The following RASGRP1 variants were observed in gnomAD, a reference collection of about 807,000 sequenced individuals.
The protein encoded by RASGRP1 is RAS guanyl-releasing protein 1.
RASGRP1 carries 37 observed loss-of-function variants against 95.1 expected under a neutral mutation model. That is an observed-to-expected ratio of 0.39 (90% confidence interval 0.30 to 0.51). RASGRP1 has a LOEUF of 0.51. RASGRP1 is among the 20% of genes least tolerant of loss of function. The probability of loss-of-function intolerance (pLI) is 0.80; values close to 1 mark genes in which losing one functional copy is unlikely to be tolerated. For synonymous variants in RASGRP1, 325 were observed against 353.4 expected (o/e 0.92, Z 0.90); for missense variants, 711 against 965.4 (o/e 0.74, Z 3.49).
At chr15:38,498,454 C>T (rs543204119) in intron 15 of RASGRP1, among the ~76,000 whole-genome samples, 3 of 152,188 alleles carry the variant, frequency 2.0e-5, no homozygotes, top group Admixed American at 6.5e-5. Flanking sequence ...CATATTTTCC[C>T]TAGTCACTGT....
chr15:38,537,837 G>A (rs536752800), intron 2 of RASGRP1, among the ~76,000 whole-genome samples: 42 of 152,196 alleles, frequency 2.8e-4, no homozygotes, highest in Non-Finnish European at 5.6e-4. Context: ...GTTTACAGAG[G>A]TGCTAGAGAG....
intron 2 of RASGRP1, among the ~76,000 whole-genome samples, chr15:38,559,011 C>T (rs1407504489): frequency 6.6e-6 from 1 of 151,846 alleles, no homozygotes; most frequent in Non-Finnish European, 1.5e-5. Context: ...TGGAGGGATA[C>T]AAAAAGGGGT....
intron 2 of RASGRP1, among the ~76,000 whole-genome samples, chr15:38,533,944 G>C (rs1190415535): frequency 6.6e-6 from 1 of 152,220 alleles, no homozygotes; most frequent in Non-Finnish European, 1.5e-5. Context: ...CCTAGGAAGA[G>C]ATGCTTGCAG....
At chr15:38,500,267 C>G (rs1397411474) in intron 13 of RASGRP1, 128 bp from the exon 14 acceptor site, 22 of 879,878 alleles carry the variant, frequency 2.5e-5, no homozygotes, top group East Asian at 7.3e-5. Flanking sequence ...TCATTTATCT[C>G]TCATGTCTTG....
In RASGRP1 at chr15:38,516,365, T is replaced by C. The variant is rs759664155; in HGVS notation, c.522-15A>G. Reference sequence around the variant, plus strand: ...CACGGGCATTGCTTTTGTGGGTAAATGTGAAAGGGAGAAGACAGGGAAAAG... The same window carrying C: ...CACGGGCATTGCTTTTGTGGGTAAACGTGAAAGGGAGAAGACAGGGAAAAG... On this transcript the variant is annotated splice_polypyrimidine_tract_variant and intron_variant, in intron 5 of 16. Transcript: ENST00000310803. 2 of 1,604,646 alleles carry C rather than the reference T, an allele frequency of 1.2e-6. No individual in the cohort carries two copies. Among genetic ancestry groups the C allele is most frequent in the East Asian group, 4.5e-5 (2 of 44,800 alleles).
chr15:38,538,845 C>T (rs1429439741), intron 2 of RASGRP1, among the ~76,000 whole-genome samples: 3 of 152,210 alleles, frequency 2.0e-5, no homozygotes, highest in African/African-American at 7.2e-5. Flanking sequence ...GAACAAGGTT[C>T]TGAACTGAGT....
chr15:38,501,257 T>C lies in RASGRP1; in HGVS notation c.1569A>G (p.Thr523=). ...TTGAGCTGGCTCTCATGAAGTAGGCTGTGATCTCATCCCTGCTGATGAGGC... is the reference window on the plus strand; with the variant it reads ...TTGAGCTGGCTCTCATGAAGTAGGCCGTGATCTCATCCCTGCTGATGAGGC... The part of the protein sequence containing the change: ...REGLISRDEI[T]AYFMRASSIY... Residue 523 remains threonine, a synonymous_variant, in exon 13 of 17, where the codon ACA becomes ACG. Coordinates refer to ENST00000310803, the MANE Select transcript of RASGRP1 (RefSeq NM_005739.4). 2 of 1,613,032 alleles carry C rather than the reference T, an allele frequency of 1.2e-6. No homozygotes were observed. The highest frequency in any genetic ancestry group is 1.7e-6 in the Non-Finnish European group (2 of 1,179,298).
intron 16 of RASGRP1, among the ~76,000 whole-genome samples, chr15:38,493,273 G>T (rs1011159386): frequency 6.7e-6 from 1 of 149,222 alleles, no homozygotes; most frequent in Non-Finnish European, 1.5e-5. Flanking sequence ...CACCTCCCGG[G>T]TTCAAGTGAT....
chr15:38,540,183 C>T (rs1214950811), intron 2 of RASGRP1, among the ~76,000 whole-genome samples: 3 of 152,152 alleles, frequency 2.0e-5, no homozygotes, highest in Non-Finnish European at 4.4e-5. Flanking sequence ...CCACCTCGGC[C>T]GGCCAAAGTT....
chr15:38,512,742 A>G, intron 7 of RASGRP1, 41 bp downstream of exon 7: 1 of 1,608,816 alleles, frequency 6.2e-7, no homozygotes, highest in Non-Finnish European at 8.5e-7. Flanking sequence ...TAGAAAGTTT[A>G]CCTTATAGCC....
chr15:38,558,341 G>T (rs1342736353), intron 2 of RASGRP1, among the ~76,000 whole-genome samples: 1 of 152,146 alleles, frequency 6.6e-6, no homozygotes, highest in Non-Finnish European at 1.5e-5. Flanking sequence ...CATTCATTCT[G>T]CTCCCAGATT....
chr15:38,562,714 T>A (rs1893861640), intron 1 of RASGRP1, among the ~76,000 whole-genome samples: 1 of 152,194 alleles, frequency 6.6e-6, no homozygotes, highest in South Asian at 2.1e-4. Context: ...ACAGAGCTCT[T>A]CCTGCTAGGG....
At position 38,518,313 on chromosome 15, in the gene RASGRP1, C is replaced by T. The variant is rs773089795; in HGVS notation, c.500G>A (p.Arg167His). The T allele has an allele frequency of 1.9e-5, 30 of 1,610,204 alleles. No homozygotes were observed. Among genetic ancestry groups the T allele is most frequent in the Non-Finnish European group, 2.4e-5 (28 of 1,178,254 alleles). The change falls in exon 5 of 17, where the codon CGC becomes CAC. Residue 167 changes from arginine to histidine, a missense_variant. Physicochemically the swap from Arg to His is conservative, Grantham distance 29. This residue lies in a region of RASGRP1 where 491 missense variants were observed against 676.6 expected (regional missense o/e 0.73). Transcript: ENST00000310803. Reference sequence around the variant, plus strand: ...TCACATTTGAGTTGTGTCAATCAGGCGGCAATGTAACTCCTCACCCTTAGC... The same window carrying T: ...TCACATTTGAGTTGTGTCAATCAGGTGGCAATGTAACTCCTCACCCTTAGC... ...VKAKGEELHC[R>H]LIDTTQINAR...
At chr15:38,511,756 G>A (rs1296937641) in intron 7 of RASGRP1, 36 bp from the exon 8 acceptor site, 4 of 1,510,142 alleles carry the variant, frequency 2.6e-6, no homozygotes, top group Non-Finnish European at 3.7e-6. Context: ...CAGAGTCACT[G>A]TACATGTCAG....
At chr15:38,516,089 C>T (rs574258721) in intron 6 of RASGRP1, 108 bp downstream of exon 6, 52 of 1,316,400 alleles carry the variant, frequency 4.0e-5, no homozygotes, top group Non-Finnish European at 5.0e-5. Context: ...AAGCCTGCCA[C>T]GACTTGAGGG....
intron 16 of RASGRP1, 193 bp downstream of exon 16, chr15:38,494,189 A>C (rs1890704801): frequency 2.7e-6 from 2 of 739,204 alleles, no homozygotes; most frequent in Non-Finnish European, 4.4e-6. Context: ...AGAAAGCTGG[A>C]ATCAATCATC....
intron 3 of RASGRP1, among the ~76,000 whole-genome samples, chr15:38,521,436 C>T (rs1165379367): frequency 6.6e-6 from 1 of 152,174 alleles, no homozygotes; most frequent in Non-Finnish European, 1.5e-5. Flanking sequence ...ACGTTGGCTG[C>T]ATGTGGTGCA....
intron 2 of RASGRP1, among the ~76,000 whole-genome samples, chr15:38,542,904 T>TATATGTGTATATATAC (rs1555403812): frequency 0.015 from 2,066 of 141,296 alleles, 90 homozygotes; most frequent in African/African-American, 0.051. Flanking sequence ...TGTATATATA[T>TATATGTGTATATATAC]ACACATATAT....
intron 2 of RASGRP1, among the ~76,000 whole-genome samples, chr15:38,539,035 G>A (rs1355567453): frequency 1.3e-5 from 2 of 152,152 alleles, no homozygotes; most frequent in Admixed American, 6.5e-5. Flanking sequence ...ACAACTCTGA[G>A]AGATGGGTAT....
Sources: gnomAD v4.1 joint callset for allele counts (sites outside exome capture counted in the v4.1 genomes callset) on GRCh38, gnomAD v4.1.1 for gene constraint, gnomAD v4.1.1 regional missense constraint, MANE v1.5 for transcripts, NCBI Gene and HGNC (gene_info 2026-07-23, HGNC 2026-07-21) for gene names.